Variants in PSMG4 observed in about 807,000 individuals in gnomAD.
PSMG4 encodes proteasome assembly chaperone 4.
PSMG4 carries 10 observed loss-of-function variants against 11.0 expected under a neutral mutation model. The ratio of observed to expected loss-of-function variants is 0.91; its 90% CI spans 0.56 to 1.54. The LOEUF (loss-of-function observed/expected upper bound fraction) is 1.54. PSMG4 is among the 40% of genes most tolerant of loss of function. The pLI is 0.00. For missense variants in PSMG4, 198 were observed against 160.9 expected, an observed-to-expected ratio of 1.23 and a Z score of -1.25; for synonymous variants, 95 against 71.3, an observed-to-expected ratio of 1.33 and a Z score of -1.68.
upstream of PSMG4, chr6:3,255,214 A>C: frequency 6.5e-7 from 1 of 1,550,070 alleles, no homozygotes; most frequent in South Asian, 1.2e-5. Context: ...TGGCAGCAGG[A>C]GCAAAATCAA....
upstream of PSMG4, among the ~76,000 whole-genome samples, chr6:3,258,736 CAA>C (rs1253009406): frequency 6.6e-6 from 1 of 152,090 alleles, no homozygotes; most frequent in Non-Finnish European, 1.5e-5. Context: ...CTCTGCTACT[CAA>C]GTGGGTTTCC....
At chr6:3,257,886 A>G (rs9328154), upstream of PSMG4, among the ~76,000 whole-genome samples, 4,812 of 152,346 alleles carry the variant, frequency 0.032, 260 homozygotes, top group African/African-American at 0.11. Flanking sequence ...TAAAGCTGTT[A>G]AAATATTGAC....
chr6:3,259,263 G>C (rs1757876350), intron 1 of PSMG4, 67 bp downstream of exon 1: 3 of 1,206,532 alleles, frequency 2.5e-6, no homozygotes, highest in Admixed American at 4.3e-5. Flanking sequence ...GCCTGCGCGA[G>C]CTGCAGCCCC....
chr6:3,255,068 A>G (rs1450139827), upstream of PSMG4: 12 of 1,550,890 alleles, frequency 7.7e-6, no homozygotes, highest in Non-Finnish European at 1.0e-5. Flanking sequence ...CACACTTGGA[A>G]TATGCTTCTA....
upstream of PSMG4, among the ~76,000 whole-genome samples, chr6:3,254,640 G>A (rs535371150): frequency 1.2e-4 from 19 of 152,276 alleles, no homozygotes; most frequent in East Asian, 2.3e-3. Context: ...CACTGATTGT[G>A]AAGGCCTACA....
chr6:3,262,211 C>T (rs11751717), intron 1 of PSMG4, among the ~76,000 whole-genome samples: 2,152 of 152,288 alleles, frequency 0.014, 23 homozygotes, highest in Non-Finnish European at 0.02. Flanking sequence ...GCTTCAGCTG[C>T]AGCAGAACTC....
chr6:3,265,820 C>T (rs543976368), intron 2 of PSMG4: 29 of 152,332 alleles, frequency 1.9e-4, no homozygotes, highest in African/African-American at 7.0e-4. Context: ...ACACTGCACC[C>T]AGCACACTGG....
At chr6:3,263,894 GACCTTTGC>G (rs1439270835) in intron 2 of PSMG4, 135 bp downstream of exon 2, 45 of 1,459,504 alleles carry the variant, frequency 3.1e-5, no homozygotes, top group African/African-American at 4.3e-5. Context: ...GGGAAGCACA[GACCTTTGC>G]ACGTTGGGTC....
chr6:3,255,246 G>T (rs779222529), upstream of PSMG4: 5 of 1,548,578 alleles, frequency 3.2e-6, no homozygotes, highest in East Asian at 2.4e-5. Flanking sequence ...CTTCCATGCT[G>T]TTGGGTTCTG....
chr6:3,259,419 C>T (rs1757887632), intron 1 of PSMG4, among the ~76,000 whole-genome samples: 1 of 152,264 alleles, frequency 6.6e-6, no homozygotes, highest in South Asian at 2.1e-4. Context: ...CGCCGCCCCG[C>T]AGCTGCGTCC....
chr6:3,259,233 C>A (rs1259108238), intron 1 of PSMG4, 37 bp downstream of exon 1: 1 of 1,029,350 alleles, frequency 9.7e-7, no homozygotes, highest in Middle Eastern at 4.2e-4. Context: ...GGCGGCGGGG[C>A]GGGGGCGCGG....
In PSMG4 at chr6:3,263,777, G is replaced by A. The variant is rs1316013121; in HGVS notation, c.250+18G>A. The A allele has an allele frequency of 1.8e-5, 28 of 1,547,316 alleles. 1 individual carries two copies. The highest frequency in any genetic ancestry group is 2.2e-5 in the Non-Finnish European group (25 of 1,144,710). ...GCGCCTAGGTATGTACCCACAGCTG[G>A]CGCTGCATGGCCAGCCAGGTGGGGC... is the stretch of plus-strand genomic sequence containing the variant. On this transcript the variant is annotated intron_variant, in intron 2 of 2. Coordinates refer to ENST00000438998, the MANE Select transcript of PSMG4 (RefSeq NM_001128591.2).
intron 2 of PSMG4, 111 bp from the exon 3 acceptor site, chr6:3,267,480 C>T (rs1758239976): frequency 3.1e-6 from 4 of 1,291,078 alleles, no homozygotes; most frequent in South Asian, 1.5e-5. Context: ...TTTCTTTTCT[C>T]CCTACAACCC....
upstream of PSMG4, among the ~76,000 whole-genome samples, chr6:3,255,650 CGAGT>C (rs1757737490): frequency 6.6e-6 from 1 of 152,188 alleles, no homozygotes; most frequent in Non-Finnish European, 1.5e-5. Flanking sequence ...CACAGACAAA[CGAGT>C]CCGAGAGCCT....
chr6:3,255,880 C>G (rs1478676317), upstream of PSMG4, among the ~76,000 whole-genome samples: 1 of 151,798 alleles, frequency 6.6e-6, no homozygotes, highest in African/African-American at 2.4e-5. Flanking sequence ...TTTTGTCTTC[C>G]TCTTTCCTGA....
chr6:3,263,416 C>T (rs550138727), intron 1 of PSMG4, among the ~76,000 whole-genome samples: 1 of 152,250 alleles, frequency 6.6e-6, no homozygotes, highest in African/African-American at 2.4e-5. Flanking sequence ...GACACTAAAA[C>T]GAGCCTTTCG....
chr6:3,265,073 C>T (rs890772560), intron 2 of PSMG4: 1 of 152,168 alleles, frequency 6.6e-6, no homozygotes, highest in Non-Finnish European at 1.5e-5. Context: ...GTAAATTAGT[C>T]TCCAGAATAT....
intron 1 of PSMG4, among the ~76,000 whole-genome samples, chr6:3,259,808 C>T (rs1321745146): frequency 6.6e-6 from 1 of 152,218 alleles, no homozygotes; most frequent in African/African-American, 2.4e-5. Flanking sequence ...CGCGCTGGGC[C>T]AAGCCTGGGA....
Position 3,259,073 on chromosome 6 carries a change from C to T in PSMG4, c.51C>T (p.Phe17=), listed in dbSNP as rs75909236. The part of the protein sequence containing the change: ...AAGGDVSLHN[F]SARLWEQLVH... ...GCGGGGACGTCTCCCTGCACAACTT[C>T]AGCGCGAGGCTGTGGGAGCAGCTGG... The change falls in exon 1 of 3, where the codon TTC becomes TTT. Residue 17 remains phenylalanine, a synonymous_variant. Coordinates refer to ENST00000438998, the MANE Select transcript of PSMG4 (RefSeq NM_001128591.2). 22 of 1,268,486 alleles carry T rather than the reference C, an allele frequency of 1.7e-5. No homozygotes were observed. The East Asian group carries it at 4.7e-4, about 27-fold the overall frequency. 78.6% of individuals were successfully genotyped at this position (1,268,486 alleles called of 1,614,324 possible).
Sources: allele counts gnomAD v4.1 joint callset (sites outside exome capture counted in the v4.1 genomes callset), GRCh38; gene constraint gnomAD v4.1.1; transcripts MANE v1.5; gene names NCBI Gene and HGNC (gene_info 2026-07-23, HGNC 2026-07-21).